Variants in SYNPR observed in about 807,000 individuals in gnomAD.
SYNPR encodes the protein synaptoporin.
In SYNPR, 23 loss-of-function variants were observed where a neutral mutation model predicts 32.9. The ratio of observed to expected loss-of-function variants is 0.70; its 90% CI spans 0.50 to 0.99. The LOEUF is 0.99. Ranked by LOEUF, SYNPR falls within the 50% of genes least tolerant of loss-of-function variation. SYNPR has a pLI of 0.00. For missense variants in SYNPR, 318 were observed against 349.3 expected (o/e 0.91, Z 0.71); for synonymous variants, 146 against 135.9 (o/e 1.07, Z -0.52).
intron 4 of SYNPR, among the ~76,000 whole-genome samples, chr3:63,560,046 T>C (rs368722286): frequency 3.3e-5 from 5 of 152,240 alleles, no homozygotes; most frequent in African/African-American, 9.6e-5. Context: ...TTTATCTCTG[T>C]GTAAACAGTC....
intron 3 of SYNPR, among the ~76,000 whole-genome samples, chr3:63,522,324 T>G (rs1701932971): frequency 6.6e-6 from 1 of 152,238 alleles, no homozygotes; most frequent in Admixed American, 6.5e-5. Flanking sequence ...TTTCTTAGTC[T>G]GTGAGAAAAA....
At chr3:63,299,899 G>T (rs1308424295) in intron 2 of SYNPR, among the ~76,000 whole-genome samples, 1 of 152,122 alleles carries the variant, frequency 6.6e-6, no homozygotes, top group African/African-American at 2.4e-5. Context: ...ACAGTCATTT[G>T]TATGTTGGGG....
intron 2 of SYNPR, among the ~76,000 whole-genome samples, chr3:63,342,246 T>C (rs2087379955): frequency 1.3e-5 from 2 of 152,234 alleles, no homozygotes; most frequent in South Asian, 4.1e-4. Flanking sequence ...CATGCTACAC[T>C]GCCTTGATTC....
At chr3:63,316,036 C>T (rs946994882) in intron 2 of SYNPR, among the ~76,000 whole-genome samples, 1 of 151,934 alleles carries the variant, frequency 6.6e-6, no homozygotes, top group Non-Finnish European at 1.5e-5. Flanking sequence ...TGTGGTGTAT[C>T]ACATTTATTG....
intron 3 of SYNPR, among the ~76,000 whole-genome samples, chr3:63,501,695 T>A (rs1388904065): frequency 6.6e-6 from 1 of 152,172 alleles, no homozygotes; most frequent in Non-Finnish European, 1.5e-5. Flanking sequence ...TAGGATATGA[T>A]GACTTTAAGA....
At chr3:63,560,452 T>C (rs994150884) in intron 4 of SYNPR, among the ~76,000 whole-genome samples, 3 of 152,218 alleles carry the variant, frequency 2.0e-5, no homozygotes, top group Admixed American at 6.5e-5. Context: ...AAGAGGGTAG[T>C]GCCTACTTAA....
At chr3:63,464,907 AC>A (rs1289581371) in intron 2 of SYNPR, among the ~76,000 whole-genome samples, 2 of 152,216 alleles carry the variant, frequency 1.3e-5, no homozygotes, top group Non-Finnish European at 2.9e-5. Context: ...TCTTTTAGTT[AC>A]AGAATCACTA....
chr3:63,316,027 G>A lies in SYNPR; in HGVS notation c.84+37285G>A, dbSNP rs141064159. On this transcript the variant is annotated intron_variant, in intron 2 of 5. Coordinates refer to ENST00000478300, the MANE Select transcript of SYNPR (RefSeq NM_001130003.2). ...TATTTTTGTTTTTAATTCTGTTTATGTGGTGTATCACATTTATTGACTTGC... is the reference window on the plus strand; with the variant it reads ...TATTTTTGTTTTTAATTCTGTTTATATGGTGTATCACATTTATTGACTTGC... Among the ~76,000 whole-genome samples the A allele has an allele frequency of 1.2e-3, 175 of 152,114 alleles. 2 individuals are homozygous for A. Among genetic ancestry groups the A allele is most frequent in the African/African-American group, 4.1e-3 (170 of 41,520 alleles).
At chr3:63,531,922 A>C (rs988977188) in intron 3 of SYNPR, among the ~76,000 whole-genome samples, 1 of 152,322 alleles carries the variant, frequency 6.6e-6, no homozygotes, top group South Asian at 2.1e-4. Flanking sequence ...ACCTACTTCT[A>C]TATGAAGGTT....
intron 2 of SYNPR, among the ~76,000 whole-genome samples, chr3:63,382,468 T>G (rs1323052850): frequency 6.6e-6 from 1 of 152,244 alleles, no homozygotes; most frequent in Non-Finnish European, 1.5e-5. Flanking sequence ...TTGACTGGCA[T>G]AGACTAGCTA....
chr3:63,339,560 ATGTG>A (rs2087337102), intron 2 of SYNPR, among the ~76,000 whole-genome samples: 1 of 151,814 alleles, frequency 6.6e-6, no homozygotes, highest in Non-Finnish European at 1.5e-5. Flanking sequence ...ATTTGTGCAC[ATGTG>A]TGTGTGTATT....
rs1314784355 is a variant in SYNPR at position 63,411,373 on chromosome 3, C to T, written c.85-69459C>T. On this transcript the variant is annotated intron_variant, in intron 2 of 5. Coordinates refer to ENST00000478300, the MANE Select transcript of SYNPR (RefSeq NM_001130003.2). ...ATGAATACTTACAGAGCACATACTG[C>T]ATGCCTGGCTCCACGCTAGGCAGTG... Among the ~76,000 whole-genome samples, 6 of 152,094 alleles carry T rather than the reference C, an allele frequency of 3.9e-5. No individual in the cohort carries two copies. In the East Asian group the frequency reaches 1.2e-3, roughly 29 times the overall value.
At chr3:63,341,812 A>T (rs1221258891) in intron 2 of SYNPR, among the ~76,000 whole-genome samples, 2 of 152,184 alleles carry the variant, frequency 1.3e-5, no homozygotes, top group Admixed American at 1.3e-4. Context: ...TTCTCTTAAC[A>T]GTATCTCTCA....
At chr3:63,468,673 T>C (rs1000787723) in intron 2 of SYNPR, among the ~76,000 whole-genome samples, 6 of 152,026 alleles carry the variant, frequency 3.9e-5, no homozygotes, top group African/African-American at 1.4e-4. Context: ...TGGTGGTGCA[T>C]GTTTGTAATC....
At chr3:63,204,860 G>T in the SYNPR span, among the ~76,000 whole-genome samples, 3 of 151,928 alleles carry the variant, frequency 2.0e-5, no homozygotes, top group Admixed American at 6.6e-5. Context: ...GCTAATTTTT[G>T]TATTTTTAGT....
At chr3:63,226,091 A>G (rs181546056), upstream of SYNPR, among the ~76,000 whole-genome samples, 3 of 152,368 alleles carry the variant, frequency 2.0e-5, no homozygotes, top group Non-Finnish European at 4.4e-5. Context: ...CAACGGATAA[A>G]TGTTCAACAT....
At chr3:63,368,234 A>T (rs973299963) in intron 2 of SYNPR, among the ~76,000 whole-genome samples, 7 of 152,218 alleles carry the variant, frequency 4.6e-5, no homozygotes, top group Admixed American at 2.6e-4. Context: ...TGCCTTGGTT[A>T]GCACATTGTC....
intron 3 of SYNPR, among the ~76,000 whole-genome samples, chr3:63,537,141 C>G (rs541821772): frequency 6.6e-6 from 1 of 152,048 alleles, no homozygotes; most frequent in South Asian, 2.1e-4. Context: ...CTCCATAAAG[C>G]TATTACTTAA....
intron 2 of SYNPR, among the ~76,000 whole-genome samples, chr3:63,305,832 GA>G (rs2086904457): frequency 6.6e-6 from 1 of 151,896 alleles, no homozygotes; most frequent in African/African-American, 2.4e-5. Flanking sequence ...GATTGCCATG[GA>G]CTTCCTTCGT....
Sources: gnomAD v4.1 joint callset for allele counts (sites outside exome capture counted in the v4.1 genomes callset) on GRCh38, gnomAD v4.1.1 for gene constraint, MANE v1.5 for transcripts, NCBI Gene and HGNC (gene_info 2026-07-23, HGNC 2026-07-21) for gene names.